The following SNX29 variants were observed in gnomAD, a reference collection of about 807,000 sequenced individuals.
SNX29 encodes the protein sorting nexin 29.
A neutral mutation model predicts 102.1 loss-of-function variants in SNX29; 78 were observed. The observed-to-expected ratio is 0.76, with a 90% CI of 0.64 to 0.92. SNX29 has a LOEUF of 0.92. Among genes scored for constraint, SNX29 ranks in the 40% least tolerant of loss-of-function variants. SNX29 has a pLI of 0.00. For missense variants in SNX29, 1,280 were observed against 1,061.7 expected, an observed-to-expected ratio of 1.21 and a Z score of -2.86; for synonymous variants, 580 against 414.5, an observed-to-expected ratio of 1.40 and a Z score of -4.85.
At chr16:12,329,451 C>T (rs935529960) in intron 15 of SNX29, among the ~76,000 whole-genome samples, 1 of 152,100 alleles carries the variant, frequency 6.6e-6, no homozygotes, top group Non-Finnish European at 1.5e-5. Flanking sequence ...TCATCCCAGC[C>T]ACTTGCATGG....
intron 13 of SNX29, among the ~76,000 whole-genome samples, chr16:12,194,668 C>A (rs912126044): frequency 6.8e-6 from 1 of 146,466 alleles, no homozygotes; most frequent in African/African-American, 2.5e-5. Flanking sequence ...ACTCTGTCAC[C>A]TAGGCTGGAG....
intron 20 of SNX29, among the ~76,000 whole-genome samples, chr16:12,544,488 C>G (rs533107097): frequency 6.6e-6 from 1 of 152,090 alleles, no homozygotes; most frequent in Non-Finnish European, 1.5e-5. Context: ...TGATTGGGGT[C>G]GGCTGGGGTC....
At chr16:12,523,020 C>G (rs1010785659) in intron 19 of SNX29, among the ~76,000 whole-genome samples, 5 of 152,206 alleles carry the variant, frequency 3.3e-5, no homozygotes, top group Admixed American at 1.3e-4. Context: ...TTATGTTACC[C>G]AGGCTGGTCT....
intron 20 of SNX29, among the ~76,000 whole-genome samples, chr16:12,539,511 C>T (rs951586634): frequency 6.6e-6 from 1 of 152,144 alleles, no homozygotes; most frequent in African/African-American, 2.4e-5. Context: ...GCGTTGGTTC[C>T]AGTTGTTGGC....
chr16:12,041,929 C>G (rs2049894549), intron 4 of SNX29, among the ~76,000 whole-genome samples: 1 of 152,178 alleles, frequency 6.6e-6, no homozygotes, highest in South Asian at 2.1e-4. Flanking sequence ...GTAAAAAAGA[C>G]TGAAAACTCT....
chr16:12,106,760 T>A (rs1442375468), intron 11 of SNX29, among the ~76,000 whole-genome samples: 2 of 151,524 alleles, frequency 1.3e-5, no homozygotes, highest in East Asian at 3.9e-4. Context: ...GGAGTACACG[T>A]GTGAGCCACC....
intron 13 of SNX29, among the ~76,000 whole-genome samples, chr16:12,147,251 C>G (rs1045620006): frequency 6.6e-6 from 1 of 152,170 alleles, no homozygotes; most frequent in Admixed American, 6.5e-5. Context: ...GAAAAACATG[C>G]AGCTGTTAAG....
At chr16:12,540,315 G>A (rs1208889197) in intron 20 of SNX29, among the ~76,000 whole-genome samples, 1 of 152,082 alleles carries the variant, frequency 6.6e-6, no homozygotes, top group East Asian at 1.9e-4. Flanking sequence ...CCACCCTCTT[G>A]GGACCACAGC....
At chr16:12,140,180 C>A (rs1264072944) in intron 13 of SNX29, among the ~76,000 whole-genome samples, 1 of 152,134 alleles carries the variant, frequency 6.6e-6, no homozygotes, top group East Asian at 1.9e-4. Flanking sequence ...ATGCAGTCCC[C>A]ATGACTTTCC....
chr16:12,102,128 G>T (rs2053048191), intron 11 of SNX29, among the ~76,000 whole-genome samples: 7 of 152,170 alleles, frequency 4.6e-5, no homozygotes, highest in Admixed American at 4.6e-4. Flanking sequence ...AGTATTCCAT[G>T]GTGTATATGT....
At position 12,570,751 on chromosome 16, in the gene SNX29, C is replaced by T. The variant is rs558852079; in HGVS notation, c.*2122C>T. 82 of 229,798 alleles carry T rather than the reference C, an allele frequency of 3.6e-4. No individual in the cohort carries two copies. The highest frequency in any genetic ancestry group is 1.8e-3 in the African/African-American group (78 of 44,046). The allele number at this position is 229,798 out of a possible 1,614,324, so 14.2% of individuals were successfully genotyped here. A position where few individuals can be genotyped will look rare whatever the true frequency, so the allele number is the denominator to read the frequency against. ...TCTCCAGATACCCCACGAGGAAGCA[C>T]CTTGGACATTCTGCACATGATAATA... On this transcript the variant is annotated 3_prime_UTR_variant, in exon 21 of 21. Transcript: ENST00000566228.
intron 15 of SNX29, among the ~76,000 whole-genome samples, chr16:12,337,102 C>G (rs1047776969): frequency 7.9e-5 from 12 of 152,208 alleles, no homozygotes; most frequent in African/African-American, 2.4e-4. Context: ...AACTCTTTTA[C>G]AGACAAGGAA....
intron 14 of SNX29, among the ~76,000 whole-genome samples, chr16:12,217,176 C>A (rs1256499741): frequency 2.6e-5 from 4 of 152,114 alleles, no homozygotes; most frequent in African/African-American, 7.2e-5. Flanking sequence ...CTATAGCACA[C>A]CTGGATAATT....
rs997381817 is a variant in SNX29 at position 12,572,288 on chromosome 16, G to T, written c.*3659G>T. ...TAGCTGATGCAACTAACAAGTACTG[G>T]GGCCAGTGATCACAATCCAGGTTGG... On this transcript the variant is annotated 3_prime_UTR_variant, in exon 21 of 21. Coordinates refer to ENST00000566228, the MANE Select transcript of SNX29 (RefSeq NM_032167.5). The T allele has an allele frequency of 1.5e-5, 15 of 1,026,354 alleles. No individual in the cohort carries two copies. Among genetic ancestry groups the T allele is most frequent in the Non-Finnish European group, 1.7e-5 (15 of 866,258 alleles). 63.6% of individuals were successfully genotyped at this position (1,026,354 alleles called of 1,614,324 possible).
chr16:12,474,355 G>A lies in SNX29; in HGVS notation c.2038-3364G>A, dbSNP rs148915781. Among the ~76,000 whole-genome samples the A allele has an allele frequency of 5.1e-3, 774 of 152,272 alleles. 5 individuals are homozygous for A. Among genetic ancestry groups the A allele is most frequent in the African/African-American group, 0.018 (750 of 41,532 alleles). On this transcript the variant is annotated intron_variant, in intron 18 of 20. Coordinates refer to ENST00000566228, the MANE Select transcript of SNX29 (RefSeq NM_032167.5). ...GTTTTAGGTACCTAGGGAATATCACGTCCTGGTCTGGAGTTTGTATCAGAG... is the reference window on the plus strand; with the variant it reads ...GTTTTAGGTACCTAGGGAATATCACATCCTGGTCTGGAGTTTGTATCAGAG...
chr16:12,442,258 G>T (rs73519947), intron 18 of SNX29, among the ~76,000 whole-genome samples: 4,141 of 152,238 alleles, frequency 0.027, 93 homozygotes, highest in African/African-American at 0.054. Context: ...CTGGACTCTT[G>T]ACTCTGTCCC....
chr16:12,509,907 T>C (rs79931775), intron 19 of SNX29, among the ~76,000 whole-genome samples: 9,610 of 152,370 alleles, frequency 0.063, 577 homozygotes, highest in African/African-American at 0.16. Flanking sequence ...CACAGGCAGC[T>C]GCTCCAATAG....
intron 16 of SNX29, among the ~76,000 whole-genome samples, chr16:12,377,407 T>G (rs2082916020): frequency 6.6e-6 from 1 of 152,180 alleles, no homozygotes; most frequent in African/African-American, 2.4e-5. Context: ...CCAAGCACAT[T>G]CTGACTCTTA....
chr16:12,241,531 C>T (rs773191833), intron 14 of SNX29, among the ~76,000 whole-genome samples: 6 of 151,956 alleles, frequency 3.9e-5, no homozygotes, highest in Non-Finnish European at 7.4e-5. Flanking sequence ...ATGATCTTAG[C>T]TCACTGCAAC....
Sources: allele counts gnomAD v4.1 joint callset (sites outside exome capture counted in the v4.1 genomes callset), GRCh38; gene constraint gnomAD v4.1.1; transcripts MANE v1.5; gene names NCBI Gene and HGNC (gene_info 2026-07-23, HGNC 2026-07-21).